The following PLA1A variants were observed in gnomAD, a reference collection of about 807,000 sequenced individuals.
PLA1A encodes the protein phospholipase A1 member A.
PLA1A carries 47 observed loss-of-function variants against 49.4 expected under a neutral mutation model. The observed-to-expected ratio is 0.95, with a 90% confidence interval of 0.75 to 1.21. The LOEUF is 1.21. Among genes scored for constraint, PLA1A ranks in the 50% most tolerant of loss-of-function variants. The pLI is 0.00. For missense variants in PLA1A, 561 were observed against 563.9 expected (o/e 0.99, Z 0.05); for synonymous variants, 224 against 207.9 (o/e 1.08, Z -0.67).
intron 7 of PLA1A, among the ~76,000 whole-genome samples, chr3:119,618,874 C>G (rs1534153): frequency 0.13 from 20,092 of 152,202 alleles, 1,553 homozygotes; most frequent in East Asian, 0.35. Flanking sequence ...CAGCCTGTCA[C>G]TGCTTATATG....
In PLA1A at chr3:119,609,448, C is replaced by A; in HGVS notation, c.454-20C>A. The A allele has an allele frequency of 6.7e-7, 1 of 1,484,968 alleles. No individual in the cohort carries two copies. Among genetic ancestry groups the A allele is most frequent in the South Asian group, 1.1e-5 (1 of 88,454 alleles). The allele number at this position is 1,484,968 out of a possible 1,614,324, so 92.0% of individuals were successfully genotyped here. A position where few individuals can be genotyped will look rare whatever the true frequency, so the allele number is the denominator to read the frequency against. The stretch of plus-strand genomic sequence containing the variant: ...CAGACTCTGTGGCCCACGGGGAACT[C>A]ACTGTTCCTGCTCTTCTAGGTGCTG... On this transcript the variant is annotated intron_variant, in intron 3 of 10. Transcript: ENST00000273371.
At position 119,629,466 on chromosome 3, in the gene PLA1A, T is replaced by A; in HGVS notation, c.1369T>A (p.Ter457LysextTer16). The change falls in exon 11 of 11, where the codon TAG (stop) becomes AAG (lysine). Residue 457 changes from the stop codon to lysine (K), a stop_lost. Transcript: ENST00000273371. ...CTGTGACCTGAAGATAGCCTGTGTG[T>A]AGTTTAACCTGGGCAGGACACATCT... Reference protein sequence around the residue: ...VSCDLKIACV* With the variant: ...VSCDLKIACVK The A allele has an allele frequency of 6.3e-7, 1 of 1,589,834 alleles. No homozygotes were observed. The highest frequency in any genetic ancestry group is 8.6e-7 in the Non-Finnish European group (1 of 1,158,312).
chr3:119,622,167 A>AGGAGGAG (rs1560086944), intron 8 of PLA1A, among the ~76,000 whole-genome samples: 96 of 85,334 alleles, frequency 1.1e-3, no homozygotes, highest in African/African-American at 3.8e-3. Context: ...AAGAAGAAGA[A>AGGAGGAG]GAAGAAGAAG....
At chr3:119,626,304 C>A (rs897103443) in intron 9 of PLA1A, among the ~76,000 whole-genome samples, 2 of 152,174 alleles carry the variant, frequency 1.3e-5, no homozygotes, top group East Asian at 1.9e-4. Context: ...GGTGGGGGAA[C>A]CTGCAGGGGA....
chr3:119,622,912 C>T (rs868267961), intron 8 of PLA1A, among the ~76,000 whole-genome samples: 10 of 151,812 alleles, frequency 6.6e-5, no homozygotes, highest in South Asian at 4.2e-4. Flanking sequence ...CTGCAACCTC[C>T]GCCTCTTGGG....
intron 6 of PLA1A, among the ~76,000 whole-genome samples, chr3:119,616,681 T>G (rs2082852634): frequency 6.6e-6 from 1 of 152,256 alleles, no homozygotes; most frequent in African/African-American, 2.4e-5. Context: ...AGTCTTTTCT[T>G]GCTTTACCAA....
chr3:119,618,270 C>A, intron 7 of PLA1A, 84 bp downstream of exon 7: 2 of 1,151,510 alleles, frequency 1.7e-6, no homozygotes, highest in Admixed American at 2.2e-5. Context: ...GTCCTGATGT[C>A]CTATGGTCAA....
At chr3:119,627,883 C>A (rs2052565503) in intron 9 of PLA1A, among the ~76,000 whole-genome samples, 2 of 152,200 alleles carry the variant, frequency 1.3e-5, no homozygotes, top group Non-Finnish European at 1.5e-5. Flanking sequence ...GTCTCCAGTA[C>A]CTAGTACCTA....
At position 119,606,781 on chromosome 3, in the gene PLA1A, A is replaced by C. The variant is rs765197993; in HGVS notation, c.81A>C (p.Ala27=). The change falls in exon 2 of 11, where the codon GCA becomes GCC. Residue 27 remains alanine, a synonymous_variant. Coordinates refer to ENST00000273371, the MANE Select transcript of PLA1A (RefSeq NM_015900.4). ...TGTTTTGTTTTCCTCCAGGGGATGC[A>C]CCTCCTACCCCACAGCCAAAGTGCG... ...LWLSVGSSGD[A]PPTPQPKCAD... is the part of the protein sequence containing the mutation. The C allele has an allele frequency of 1.9e-6, 3 of 1,613,586 alleles. No homozygotes were observed. The highest frequency in any genetic ancestry group is 2.2e-5 in the East Asian group (1 of 44,892).
At chr3:119,623,294 A>T (rs2082970706) in intron 8 of PLA1A, among the ~76,000 whole-genome samples, 1 of 152,070 alleles carries the variant, frequency 6.6e-6, no homozygotes, top group South Asian at 2.1e-4. Flanking sequence ...GGTACACACC[A>T]CATGCCCAAC....
chr3:119,605,067 T>C (rs1455640090), intron 1 of PLA1A, among the ~76,000 whole-genome samples: 2 of 152,252 alleles, frequency 1.3e-5, no homozygotes, highest in African/African-American at 4.8e-5. Flanking sequence ...GACTCATTAA[T>C]GTGGTTTGCA....
chr3:119,597,926 C>A lies in PLA1A; in HGVS notation c.13C>A (p.Pro5Thr). MPPGPWESCFWVGGL... is the reference protein window; with the variant it reads MPPGTWESCFWVGGL... ...TTCCAGCTCAGCGATGCCCCCAGGT[C>A]CCTGGGAGAGCTGCTTCTGGGTGGG... The change falls in exon 1 of 11, where the codon CCC becomes ACC. Residue 5 changes from proline (P) to threonine (T), a missense_variant. Transcript: ENST00000273371. 2 of 1,607,930 alleles carry A rather than the reference C, an allele frequency of 1.2e-6. No individual in the cohort carries two copies. Among genetic ancestry groups the A allele is most frequent in the Non-Finnish European group, 1.7e-6 (2 of 1,176,078 alleles).
At chr3:119,622,342 C>T (rs933021126) in intron 8 of PLA1A, among the ~76,000 whole-genome samples, 7 of 147,788 alleles carry the variant, frequency 4.7e-5, no homozygotes, top group Non-Finnish European at 1.0e-4. Flanking sequence ...GCTATTTTTT[C>T]CACATTGCAA....
chr3:119,616,143 A>G, intron 6 of PLA1A, 42 bp downstream of exon 6: 1 of 1,213,568 alleles, frequency 8.2e-7, no homozygotes, highest in Non-Finnish European at 1.2e-6. Context: ...AACCCCGGAG[A>G]TTGAAATTCA....
intron 9 of PLA1A, among the ~76,000 whole-genome samples, chr3:119,626,778 C>T (rs187176393): frequency 3.9e-5 from 6 of 152,304 alleles, no homozygotes; most frequent in Admixed American, 3.3e-4. Context: ...TTCTGGCTCA[C>T]CCAAAGTCAC....
At chr3:119,623,711 CTCTT>C (rs1264666152) in intron 8 of PLA1A, among the ~76,000 whole-genome samples, 5 of 124,924 alleles carry the variant, frequency 4.0e-5, no homozygotes, top group Admixed American at 8.1e-5. Context: ...AGTTAATTCT[CTCTT>C]TCTTTTTTTT....
At chr3:119,620,107 C>A in intron 8 of PLA1A, 1 of 457,442 alleles carries the variant, frequency 2.2e-6, no homozygotes, top group Non-Finnish European at 4.4e-6. Flanking sequence ...TTGCTCCTAA[C>A]CATGGCATTT....
rs114406960 is a variant in PLA1A at position 119,625,811 on chromosome 3, G to T, written c.1121+579G>T. ...TTTGTTGGGGCAGACTTGGGCTTGGGGGCTGGTGGGACTACGCTTGAAGTG... is the reference window on the plus strand; with the variant it reads ...TTTGTTGGGGCAGACTTGGGCTTGGTGGCTGGTGGGACTACGCTTGAAGTG... On this transcript the variant is annotated intron_variant, in intron 9 of 10. Transcript: ENST00000273371. 5.8e-3 allele frequency among the ~76,000 whole-genome samples: 883 copies of T among 152,304 alleles called. 9 individuals are homozygous for T. The highest frequency in any genetic ancestry group is 0.02 in the African/African-American group (827 of 41,556).
chr3:119,618,292 A>G (rs1197938317), intron 7 of PLA1A, 106 bp downstream of exon 7: 10 of 1,027,408 alleles, frequency 9.7e-6, no homozygotes, highest in African/African-American at 1.6e-5. Context: ...AATTCTATCC[A>G]ATTTGGGAAA....
Sources: allele counts gnomAD v4.1 joint callset (sites outside exome capture counted in the v4.1 genomes callset), GRCh38; gene constraint gnomAD v4.1.1; transcripts MANE v1.5; gene names NCBI Gene and HGNC (gene_info 2026-07-23, HGNC 2026-07-21).